Variants in SNX29 observed in about 807,000 individuals in gnomAD.
SNX29 encodes the protein sorting nexin-29.
A neutral mutation model predicts 102.1 loss-of-function variants in SNX29; 78 were observed. That is an observed-to-expected ratio of 0.76 (90% CI 0.64 to 0.92). The LOEUF is 0.92. Among genes scored for constraint, SNX29 ranks in the 40% least tolerant of loss-of-function variants. The pLI is 0.00. For missense variants in SNX29, 1,280 were observed against 1,061.7 expected, an observed-to-expected ratio of 1.21 and a Z score of -2.86; for synonymous variants, 580 against 414.5, an observed-to-expected ratio of 1.40 and a Z score of -4.85.
chr16:12,131,978 C>T (rs1270567853), intron 13 of SNX29, among the ~76,000 whole-genome samples: 1 of 152,166 alleles, frequency 6.6e-6, no homozygotes. Context: ...ACCTGGACCA[C>T]CCTTTTGCCT....
At position 12,524,723 on chromosome 16, in the gene SNX29, C is replaced by A; in HGVS notation, c.2200C>A (p.Arg734=). 6.2e-7 allele frequency: 1 copy of A among 1,613,352 alleles called. No homozygotes were observed. The highest frequency in any genetic ancestry group is 2.2e-5 in the East Asian group (1 of 44,870). Reference sequence around the variant, plus strand: ...TCAGGATGCCAAGTTTGTGGAGGAACGGAGAAAGCAGCTCCAGAATTACCT... The same window carrying A: ...TCAGGATGCCAAGTTTGTGGAGGAAAGGAGAAAGCAGCTCCAGAATTACCT... ...GNKDAKFVEE[R]RKQLQNYLRS... is the part of the protein sequence containing the mutation. Residue 734 remains arginine, a synonymous_variant, in exon 20 of 21, where the codon CGG becomes AGG. Transcript: ENST00000566228.
chr16:12,446,510 T>TC (rs2086061154), intron 18 of SNX29, among the ~76,000 whole-genome samples: 1 of 152,196 alleles, frequency 6.6e-6, no homozygotes, highest in East Asian at 1.9e-4. Context: ...GATCTAGCAC[T>TC]CCAAGAGGGA....
chr16:12,124,739 C>T (rs1312686308), intron 11 of SNX29, among the ~76,000 whole-genome samples: 2 of 152,220 alleles, frequency 1.3e-5, no homozygotes, highest in African/African-American at 2.4e-5. Flanking sequence ...ATTTTCAATG[C>T]TGCTTTTTAT....
At chr16:12,071,238 C>T (rs2051284386) in intron 10 of SNX29, among the ~76,000 whole-genome samples, 1 of 152,106 alleles carries the variant, frequency 6.6e-6, no homozygotes, top group African/African-American at 2.4e-5. Flanking sequence ...ACATGAAGTC[C>T]TTGCCCATGC....
At chr16:12,228,423 G>C (rs1432312226) in intron 14 of SNX29, among the ~76,000 whole-genome samples, 1 of 152,228 alleles carries the variant, frequency 6.6e-6, no homozygotes, top group African/African-American at 2.4e-5. Flanking sequence ...GCTTTACCTT[G>C]CCTCCAGCAC....
chr16:12,002,883 C>T (rs559322102), intron 2 of SNX29, 108 bp from the exon 3 acceptor site: 1 of 1,238,836 alleles, frequency 8.1e-7, no homozygotes, highest in Non-Finnish European at 1.2e-6. Context: ...TGCAGAGCTT[C>T]TGGTCCCGTG....
At chr16:12,226,530 G>C (rs1233110182) in intron 14 of SNX29, among the ~76,000 whole-genome samples, 1 of 151,954 alleles carries the variant, frequency 6.6e-6, no homozygotes, top group African/African-American at 2.4e-5. Flanking sequence ...TCTAGAAAGA[G>C]GGTTTGGGTT....
chr16:11,986,057 G>A (rs1465355182), intron 1 of SNX29, among the ~76,000 whole-genome samples: 1 of 151,922 alleles, frequency 6.6e-6, no homozygotes, highest in Non-Finnish European at 1.5e-5. Context: ...CACTGACCTC[G>A]GGCTCCCAGC....
At chr16:12,506,922 C>G (rs960304505) in intron 19 of SNX29, among the ~76,000 whole-genome samples, 3 of 152,002 alleles carry the variant, frequency 2.0e-5, no homozygotes, top group African/African-American at 7.2e-5. Context: ...GATCACCACT[C>G]ATTTTTGCAT....
chr16:12,333,384 C>T (rs577622986), intron 15 of SNX29, among the ~76,000 whole-genome samples: 2 of 152,022 alleles, frequency 1.3e-5, no homozygotes, highest in South Asian at 2.1e-4. Flanking sequence ...GGATTACAGA[C>T]GTGAGCCACC....
intron 11 of SNX29, among the ~76,000 whole-genome samples, chr16:12,102,575 G>T (rs2053067749): frequency 6.6e-6 from 1 of 152,178 alleles, no homozygotes; most frequent in Non-Finnish European, 1.5e-5. Context: ...CTTTGGAGAA[G>T]TGTCTGCTCA....
intron 16 of SNX29, among the ~76,000 whole-genome samples, chr16:12,366,803 G>T (rs2082499923): frequency 6.7e-6 from 1 of 150,060 alleles, no homozygotes. Context: ...CTCTCCTTTT[G>T]TTTCTCTCTC....
chr16:12,100,969 C>T (rs534097302), intron 11 of SNX29, among the ~76,000 whole-genome samples: 1 of 152,264 alleles, frequency 6.6e-6, no homozygotes, highest in South Asian at 2.1e-4. Context: ...CACATTGAAA[C>T]GATCAGTGCA....
In SNX29 at chr16:12,123,007, A is replaced by G. The variant is rs1203396715; in HGVS notation, c.1403-3626A>G. ...ACACCCAGCTAATTTTTGTATTTTT[A>G]GTAGAGATGAGGTTTCACCATGTTG... On this transcript the variant is annotated intron_variant, in intron 11 of 20. Coordinates refer to ENST00000566228, the MANE Select transcript of SNX29 (RefSeq NM_032167.5). Among the ~76,000 whole-genome samples the G allele has an allele frequency of 3.3e-5, 5 of 152,014 alleles. No individual in the cohort carries two copies. In the East Asian group the frequency reaches 9.6e-4, roughly 29 times the overall value.
intron 11 of SNX29, chr16:12,095,188 T>TG (rs1391395183): frequency 1.3e-5 from 2 of 152,182 alleles, no homozygotes; most frequent in Non-Finnish European, 2.9e-5. Context: ...TTCATTCAGT[T>TG]GATATTTGTT....
At chr16:12,539,693 A>G (rs902889311) in intron 20 of SNX29, among the ~76,000 whole-genome samples, 1 of 152,222 alleles carries the variant, frequency 6.6e-6, no homozygotes, top group Non-Finnish European at 1.5e-5. Flanking sequence ...CCTGGGCAGC[A>G]TGTCATACTG....
At chr16:12,507,767 C>T (rs1051598731) in intron 19 of SNX29, among the ~76,000 whole-genome samples, 1 of 152,064 alleles carries the variant, frequency 6.6e-6, no homozygotes, top group African/African-American at 2.4e-5. Context: ...TTAAAATAAC[C>T]CCTTTACCTT....
At chr16:12,566,315 C>G (rs961937781) in intron 20 of SNX29, among the ~76,000 whole-genome samples, 1 of 152,196 alleles carries the variant, frequency 6.6e-6, no homozygotes, top group Admixed American at 6.5e-5. Context: ...AAGCTATGTC[C>G]TCTCCCTACC....
At chr16:12,566,481 G>A (rs1260617057) in intron 20 of SNX29, among the ~76,000 whole-genome samples, 5 of 152,162 alleles carry the variant, frequency 3.3e-5, no homozygotes, top group African/African-American at 2.4e-5. Flanking sequence ...TGTGCTGAAT[G>A]ATGATGGTGG....
Sources: gnomAD v4.1 joint callset for allele counts (sites outside exome capture counted in the v4.1 genomes callset) on GRCh38, gnomAD v4.1.1 for gene constraint, MANE v1.5 for transcripts, NCBI Gene and HGNC (gene_info 2026-07-23, HGNC 2026-07-21) for gene names.